CPED1: variants seen among roughly 807,000 people sequenced by gnomAD.
CPED1 encodes the protein cadherin-like and PC-esterase domain-containing protein 1.
Under a neutral mutation model 128.2 loss-of-function variants are expected in CPED1, and 114 were observed. That is an observed-to-expected ratio of 0.89 (90% confidence interval 0.76 to 1.04). CPED1 has a LOEUF of 1.04. Among genes scored for constraint, CPED1 ranks in the 50% least tolerant of loss-of-function variants. The pLI is 0.00. For synonymous variants in CPED1, 462 were observed against 426.7 expected (o/e 1.08, Z -1.02); for missense variants, 1,211 against 1,207.1 (o/e 1.00, Z -0.05).
intron 22 of CPED1, among the ~76,000 whole-genome samples, chr7:121,286,028 A>G (rs983644537): frequency 1.3e-5 from 2 of 152,210 alleles, no homozygotes; most frequent in African/African-American, 4.8e-5. Context: ...CTCACAGTTC[A>G]GCATGGCTGC....
chr7:121,204,088 C>G (rs575249952), intron 16 of CPED1, among the ~76,000 whole-genome samples: 38 of 152,072 alleles, frequency 2.5e-4, no homozygotes, highest in Admixed American at 4.6e-4. Flanking sequence ...ATTTCAGAAC[C>G]CTTGCAAGAG....
At chr7:121,034,493 G>A (rs555282924) in intron 3 of CPED1, among the ~76,000 whole-genome samples, 19 of 152,018 alleles carry the variant, frequency 1.2e-4, no homozygotes, top group African/African-American at 2.7e-4. Context: ...TGATCTGCCC[G>A]CCTCTGCCTT....
chr7:120,995,783 T>C (rs1360853446), intron 2 of CPED1, among the ~76,000 whole-genome samples: 1 of 152,104 alleles, frequency 6.6e-6, no homozygotes, highest in Non-Finnish European at 1.5e-5. Flanking sequence ...GCCTGGCTCC[T>C]TACCAAATCT....
At chr7:121,275,408 A>G (rs1562859535) in intron 22 of CPED1, among the ~76,000 whole-genome samples, 1 of 152,156 alleles carries the variant, frequency 6.6e-6, no homozygotes, top group African/African-American at 2.4e-5. Flanking sequence ...AGGACAACAA[A>G]CAGGATCCAG....
chr7:121,088,792 A>AAAAAAAAAAAAAAAT (rs1794508143), intron 5 of CPED1, among the ~76,000 whole-genome samples: 1 of 133,068 alleles, frequency 7.5e-6, no homozygotes, highest in Non-Finnish European at 1.7e-5. Flanking sequence ...AAAAAAAAAA[A>AAAAAAAAAAAAAAAT]TTGAAAGTGT....
chr7:121,099,029 T>A (rs1019777814), intron 6 of CPED1, among the ~76,000 whole-genome samples: 11 of 151,370 alleles, frequency 7.3e-5, no homozygotes, highest in Non-Finnish European at 1.2e-4. Flanking sequence ...TTAATTTTTT[T>A]AATTTTTTAA....
chr7:121,227,257 TC>T (rs1389433486), intron 16 of CPED1, among the ~76,000 whole-genome samples: 2 of 151,964 alleles, frequency 1.3e-5, no homozygotes, highest in African/African-American at 4.8e-5. Context: ...CCTACATCCA[TC>T]CGTTTCTTCT....
At chr7:121,129,939 A>C (rs1795621142) in intron 11 of CPED1, among the ~76,000 whole-genome samples, 186 bp from the exon 12 acceptor site, 1 of 152,036 alleles carries the variant, frequency 6.6e-6, no homozygotes, top group Non-Finnish European at 1.5e-5. Context: ...CATCAACAAA[A>C]TTAGTTTCTT....
chr7:121,244,051 GA>G (rs1798462677), intron 17 of CPED1, 150 bp from the exon 18 acceptor site: 1 of 870,890 alleles, frequency 1.1e-6, no homozygotes, highest in Non-Finnish European at 1.9e-6. Context: ...TGGTTGGCAG[GA>G]AGCCATGCCT....
At chr7:121,159,351 A>G (rs1796361060) in intron 16 of CPED1, among the ~76,000 whole-genome samples, 1 of 152,166 alleles carries the variant, frequency 6.6e-6, no homozygotes, top group South Asian at 2.1e-4. Context: ...GTGGGGAGTG[A>G]TCAATTGGAG....
intron 5 of CPED1, among the ~76,000 whole-genome samples, chr7:121,075,845 T>C (rs1563016076): frequency 6.6e-6 from 1 of 152,208 alleles, no homozygotes; most frequent in Non-Finnish European, 1.5e-5. Flanking sequence ...TACTTGGCTG[T>C]GTGGTTCAAC....
Position 121,295,454 on chromosome 7 carries a change from GT to G in CPED1, c.2885del (p.Leu962TyrfsTer10). On this transcript the variant is annotated frameshift_variant, in exon 23 of 23. Transcript: ENST00000310396. LOFTEE classifies it high-confidence loss of function. ...CHFHEVVKSK[L>X]SKEYNFIKMK... is the part of the protein sequence containing the mutation. ...TTCATTTACAGGTAGTGAAATCAAA[GT>G]TATCCAAAGAATATAACTTTATTAA... 1 of 1,611,584 alleles carries G rather than the reference GT, an allele frequency of 6.2e-7. No homozygotes were observed. Among genetic ancestry groups the G allele is most frequent in the Non-Finnish European group, 8.5e-7 (1 of 1,178,814 alleles).
intron 16 of CPED1, among the ~76,000 whole-genome samples, chr7:121,223,418 C>CT (rs1222323708): frequency 1.3e-5 from 2 of 152,034 alleles, no homozygotes; most frequent in African/African-American, 2.4e-5. Context: ...CTACAATTCT[C>CT]TTTTTTTGTT....
intron 2 of CPED1, among the ~76,000 whole-genome samples, chr7:121,001,095 G>T (rs1347356458): frequency 3.9e-5 from 6 of 152,054 alleles, no homozygotes; most frequent in Non-Finnish European, 8.8e-5. Context: ...ATGTATTTTT[G>T]ATTGTCACCC....
At chr7:121,207,899 T>G (rs929210275) in intron 16 of CPED1, among the ~76,000 whole-genome samples, 1 of 151,964 alleles carries the variant, frequency 6.6e-6, no homozygotes. Context: ...CCTAGATTAT[T>G]CCCCCTCTAC....
chr7:121,048,991 TCA>T (rs34438433), intron 4 of CPED1, among the ~76,000 whole-genome samples: 99,812 of 151,930 alleles, frequency 0.66, 35,519 homozygotes, highest in Admixed American at 0.8. Context: ...TCTATCCTAC[TCA>T]CAGTTTTGAG....
chr7:121,057,714 C>G (rs964041398), intron 4 of CPED1, among the ~76,000 whole-genome samples: 7 of 152,304 alleles, frequency 4.6e-5, no homozygotes, highest in African/African-American at 1.7e-4. Context: ...TCTATCCCTT[C>G]ACTGTTTCTA....
chr7:121,104,995 C>T (rs1002357431), intron 7 of CPED1, among the ~76,000 whole-genome samples: 6 of 151,798 alleles, frequency 4.0e-5, no homozygotes, highest in Admixed American at 2.0e-4. Context: ...TCTGGGATAC[C>T]GTAGCCTTTT....
At chr7:121,279,111 T>C (rs1350435030) in intron 22 of CPED1, among the ~76,000 whole-genome samples, 2 of 152,152 alleles carry the variant, frequency 1.3e-5, no homozygotes, top group African/African-American at 2.4e-5. Flanking sequence ...TTTTGAGAAA[T>C]ACTGAATACA....
Sources: allele counts gnomAD v4.1 joint callset (sites outside exome capture counted in the v4.1 genomes callset), GRCh38; gene constraint gnomAD v4.1.1; transcripts MANE v1.5; gene names NCBI Gene and HGNC (gene_info 2026-07-23, HGNC 2026-07-21).